The following EIF2B5 variants were observed in gnomAD, a reference collection of about 807,000 sequenced individuals.
EIF2B5 encodes the protein eukaryotic translation initiation factor 2B subunit epsilon.
Under a neutral mutation model 87.3 loss-of-function variants are expected in EIF2B5, and 38 were observed. The ratio of observed to expected loss-of-function variants is 0.44; its 90% CI spans 0.34 to 0.57. The LOEUF is 0.57. EIF2B5 is among the 20% of genes least tolerant of loss of function. The pLI is 0.02. For synonymous variants in EIF2B5, 313 were observed against 339.6 expected (o/e 0.92, Z 0.86); for missense variants, 784 against 909.5 (o/e 0.86, Z 1.78).
At position 184,141,911 on chromosome 3, in the gene EIF2B5, C is replaced by T; in HGVS notation, c.1157-14C>T. 13 of 1,613,894 alleles carry T rather than the reference C, an allele frequency of 8.1e-6. No homozygotes were observed. Among genetic ancestry groups the T allele is most frequent in the Non-Finnish European group, 1.1e-5 (13 of 1,179,986 alleles). On this transcript the variant is annotated splice_polypyrimidine_tract_variant and intron_variant, in intron 7 of 15. Coordinates refer to ENST00000648915, the MANE Select transcript of EIF2B5 (RefSeq NM_003907.3). The stretch of plus-strand genomic sequence containing the variant: ...AACCCTGAGTTACCCAGAGGTCTTC[C>T]CATCCTGAGCCAGGTGATAACGTGG...
At position 184,140,580 on chromosome 3, in the gene EIF2B5, A is replaced by G; in HGVS notation, c.1006A>G (p.Thr336Ala). ...CACTGACAGCACCACCCAGAGCTGC[A>G]CTCATTCCCGGCACAACATCTACCG... is the stretch of plus-strand genomic sequence containing the variant. Reference protein sequence around the residue: ...NFTDSTTQSCTHSRHNIYRGP... With the variant: ...NFTDSTTQSCAHSRHNIYRGP... Residue 336 changes from threonine (T) to alanine (A), a missense_variant, in exon 7 of 16, where the codon ACT becomes GCT. Transcript: ENST00000648915. The G allele has an allele frequency of 6.2e-7, 1 of 1,614,064 alleles. No homozygotes were observed. Among genetic ancestry groups the G allele is most frequent in the Non-Finnish European group, 8.5e-7 (1 of 1,180,010 alleles).
chr3:184,140,158 G>T lies in EIF2B5; in HGVS notation c.843+1G>T, dbSNP rs1254951931. On this transcript the variant is annotated splice_donor_variant, in intron 6 of 15. Transcript: ENST00000648915. LOFTEE classifies it high-confidence loss of function. The stretch of plus-strand genomic sequence containing the variant: ...GCGAGGTCTCTTAGTGAATGAGGAG[G>T]TGAGAAAAGTCTTCCAATGCCTCTT... The T allele has an allele frequency of 6.2e-7, 1 of 1,613,482 alleles. No individual in the cohort carries two copies. Among genetic ancestry groups the T allele is most frequent in the Admixed American group, 1.7e-5 (1 of 60,020 alleles).
chr3:184,137,442 C>A, intron 2 of EIF2B5, 178 bp from the exon 3 acceptor site: 1 of 665,578 alleles, frequency 1.5e-6, no homozygotes, highest in Non-Finnish European at 2.7e-6. Context: ...ACTGGTGACA[C>A]AGGATGCTGA....
rs576119565 is a variant in EIF2B5 at position 184,142,481 on chromosome 3, A to G, written c.1445-21A>G. On this transcript the variant is annotated intron_variant, in intron 9 of 15. Transcript: ENST00000648915. The surrounding 1 kb of genome is among the most constrained non-coding windows in gnomAD (Gnocchi z 5.0). ...TTGGTGCTTCCGCCGGGCCCTCTCT[A>G]TAGATCATTGCCTTTTCCAGGTTAC... 2.7e-5 allele frequency: 43 copies of G among 1,614,004 alleles called. No individual in the cohort carries two copies. The highest frequency in any genetic ancestry group is 1.2e-4 in the African/African-American group (9 of 74,918).
intron 1 of EIF2B5, 29 bp downstream of exon 1, chr3:184,135,609 G>C (rs1199663413): frequency 7.0e-6 from 11 of 1,567,444 alleles, no homozygotes; most frequent in Non-Finnish European, 8.6e-6. Context: ...AGCAGCCAGA[G>C]GGCAGGAAGG....
chr3:184,143,339 A>C, intron 12 of EIF2B5, 103 bp from the exon 13 acceptor site: 1 of 1,596,322 alleles, frequency 6.3e-7, no homozygotes, highest in Non-Finnish European at 8.6e-7. Flanking sequence ...CTCCCCTTCC[A>C]TATTGTTCCA....
intron 7 of EIF2B5, chr3:184,141,040 A>T (rs60980365): frequency 0.031 from 12,889 of 413,800 alleles, 273 homozygotes; most frequent in African/African-American, 0.054. Flanking sequence ...AAGGGCTTTT[A>T]TATACATTGT....
At position 184,137,464 on chromosome 3, in the gene EIF2B5, A is replaced by G. The variant is rs530907253; in HGVS notation, c.321-156A>G. 11 of 712,756 alleles carry G rather than the reference A, an allele frequency of 1.5e-5. No homozygotes were observed. The East Asian group carries it at 1.6e-4, about 10-fold the overall frequency. 44.2% of individuals were successfully genotyped at this position (712,756 alleles called of 1,614,324 possible). On this transcript the variant is annotated intron_variant, in intron 2 of 15. Transcript: ENST00000648915. ...ACACAGGATGCTGAAAGCATTCATT[A>G]TAGTTCATAATACTCTTTGAAGTTG... is the stretch of plus-strand genomic sequence containing the variant.
chr3:184,143,901 C>A (rs1713748897), intron 13 of EIF2B5, 198 bp from the exon 14 acceptor site: 1 of 854,272 alleles, frequency 1.2e-6, no homozygotes, highest in African/African-American at 1.7e-5. Context: ...CCTATAGCAT[C>A]TGATCCCCTT....
chr3:184,141,377 T>C (rs1371892818), intron 7 of EIF2B5, among the ~76,000 whole-genome samples: 3 of 152,284 alleles, frequency 2.0e-5, no homozygotes, highest in East Asian at 1.9e-4. Context: ...AAGACCAGCC[T>C]GGGCAACATA....
At chr3:184,143,963 G>A (rs1015046816) in intron 13 of EIF2B5, 136 bp from the exon 14 acceptor site, 10 of 1,360,970 alleles carry the variant, frequency 7.3e-6, no homozygotes, top group Admixed American at 5.1e-5. Context: ...CAACTCCCAA[G>A]TCCCTCTGAC....
At chr3:184,140,759 T>G (rs1417259817) in intron 7 of EIF2B5, 29 bp downstream of exon 7, 1 of 1,612,822 alleles carries the variant, frequency 6.2e-7, no homozygotes. Flanking sequence ...TCAAGCCAAC[T>G]ATCCTAGGAA....
In EIF2B5 at chr3:184,140,405, C is replaced by T. The variant is rs764730814; in HGVS notation, c.844-13C>T. 2.5e-5 allele frequency: 40 copies of T among 1,613,958 alleles called. 1 individual carries two copies. In the South Asian group the frequency reaches 4.2e-4, roughly 17 times the overall value. On this transcript the variant is annotated splice_polypyrimidine_tract_variant and intron_variant, in intron 6 of 15. Coordinates refer to ENST00000648915, the MANE Select transcript of EIF2B5 (RefSeq NM_003907.3). The stretch of plus-strand genomic sequence containing the variant: ...TTTCTTGCTTAGGTGACCTCCCTTT[C>T]CTTCTCATTCAGATCCTAGGGAACC...
At chr3:184,139,637 T>C (rs547324188) in intron 5 of EIF2B5, among the ~76,000 whole-genome samples, 10 of 150,772 alleles carry the variant, frequency 6.6e-5, no homozygotes, top group Non-Finnish European at 1.3e-4. Context: ...AGTATCCCAC[T>C]GGGAGTCTCT....
At chr3:184,136,837 T>C (rs1327413670) in intron 2 of EIF2B5, 101 bp downstream of exon 2, 8 of 1,515,854 alleles carry the variant, frequency 5.3e-6, no homozygotes, top group Non-Finnish European at 7.3e-6. Flanking sequence ...AAAATGTGTC[T>C]ACTTAGATGT....
intron 13 of EIF2B5, 111 bp from the exon 14 acceptor site, chr3:184,143,988 C>A: frequency 6.6e-7 from 1 of 1,508,062 alleles, no homozygotes; most frequent in Non-Finnish European, 9.2e-7. Flanking sequence ...TTCCACAGAA[C>A]CTGTATCATC....
Position 184,137,441 on chromosome 3 carries a change from A to T in EIF2B5, c.321-179A>T. 4.5e-6 allele frequency: 3 copies of T among 664,986 alleles called. No homozygotes were observed. In the South Asian group the frequency reaches 5.1e-5, roughly 11 times the overall value. 41.2% of individuals were successfully genotyped at this position (664,986 alleles called of 1,614,324 possible). ...TAACCCATAAAACAAGACTGGTGAC[A>T]CAGGATGCTGAAAGCATTCATTATA... is the stretch of plus-strand genomic sequence containing the variant. On this transcript the variant is annotated intron_variant, in intron 2 of 15. Transcript: ENST00000648915.
chr3:184,136,768 C>T (rs762550544), intron 2 of EIF2B5, 32 bp downstream of exon 2: 15 of 1,613,874 alleles, frequency 9.3e-6, no homozygotes, highest in African/African-American at 5.3e-5. Flanking sequence ...TTCCATGTTT[C>T]GCCATCTTTT....
At position 184,142,808 on chromosome 3, in the gene EIF2B5, G is replaced by A. The variant is rs769101204; in HGVS notation, c.1576G>A (p.Glu526Lys). The A allele has an allele frequency of 1.2e-6, 2 of 1,614,074 alleles. No individual in the cohort carries two copies. ...GLKINMEEES[E>K]SESEQSMDSE... ...CAAGATCAACATGGAAGAAGAGAGT[G>A]AAAGTGAAAGTGAGCAAAGTATGGA... The change falls in exon 11 of 16, where the codon GAA (glutamate) becomes AAA (lysine). Residue 526 changes from glutamate (E) to lysine (K), a missense_variant. Glu to Lys is a moderately conservative substitution (Grantham distance 56). Transcript: ENST00000648915. The surrounding 1 kb of genome is among the most constrained non-coding windows in gnomAD (Gnocchi z 5.0).
Sources: allele counts gnomAD v4.1 joint callset (sites outside exome capture counted in the v4.1 genomes callset), GRCh38; gene constraint gnomAD v4.1.1; non-coding constraint Gnocchi (gnomAD v3.1); transcripts MANE v1.5; gene names NCBI Gene and HGNC (gene_info 2026-07-23, HGNC 2026-07-21).